The following FGF1 variants were observed in gnomAD, a reference collection of about 807,000 sequenced individuals.
The protein encoded by FGF1 is beta-endothelial cell growth factor.
Under a neutral mutation model 13.4 loss-of-function variants are expected in FGF1, and 9 were observed. That is an observed-to-expected ratio of 0.67 (90% CI 0.40 to 1.17). FGF1 has a LOEUF of 1.17. Among genes scored for constraint, FGF1 ranks in the 50% most tolerant of loss-of-function variants. The probability of loss-of-function intolerance (pLI) is 0.01; values close to 1 mark genes in which losing one functional copy is unlikely to be tolerated. For missense variants in FGF1, 156 were observed against 192.7 expected (o/e 0.81, Z 1.13); for synonymous variants, 93 against 79.0 (o/e 1.18, Z -0.94).
chr5:142,608,708 C>CATATATAT lies in FGF1; in HGVS notation c.169+5243_169+5250dup, dbSNP rs149917804. The stretch of plus-strand genomic sequence containing the variant: ...TTGATACAGTCCAGAGACTGAATGA[C>CATATATAT]ATATATATATACACACACACATATA... On this transcript the variant is annotated intron_variant, in intron 2 of 3. Transcript: ENST00000337706. Among the ~76,000 whole-genome samples, 478 of 144,314 alleles carry CATATATAT rather than the reference C, an allele frequency of 3.3e-3. 3 individuals carry two copies. The highest frequency in any genetic ancestry group is 9.7e-3 in the African/African-American group (380 of 39,338). 94.7% of individuals were successfully genotyped at this position (144,314 alleles called of 152,430 possible).
At chr5:142,650,183 G>A (rs1455611298) in intron 1 of FGF1, among the ~76,000 whole-genome samples, 13 of 152,174 alleles carry the variant, frequency 8.5e-5, no homozygotes, top group East Asian at 1.9e-4. Context: ...GAGTAAGGGC[G>A]TGCAGGGGGA....
In FGF1 at chr5:142,614,053, C is replaced by A. The variant is rs770703997; in HGVS notation, c.75G>T (p.Lys25Asn). The A allele has an allele frequency of 3.1e-6, 5 of 1,614,054 alleles. No individual in the cohort carries two copies. Among genetic ancestry groups the A allele is most frequent in the Admixed American group, 3.3e-5 (2 of 60,000 alleles). Residue 25 changes from lysine (K) to asparagine (N), a missense_variant, in exon 2 of 4, where the codon AAG becomes AAT. Physicochemically the swap from Lys to Asn is moderately conservative, Grantham distance 94 (BLOSUM62 0). Transcript: ENST00000337706. ...CGTTGCTACAGTAGAGGAGTTTGGG[C>A]TTCTTGTAATTCCCTGGAGGCAGAT... ...KFNLPPGNYK[K>N]PKLLYCSNGG... is the part of the protein sequence containing the mutation.
intron 1 of FGF1, among the ~76,000 whole-genome samples, chr5:142,625,457 T>C (rs1023012078): frequency 3.3e-5 from 5 of 152,302 alleles, no homozygotes; most frequent in African/African-American, 7.2e-5. Flanking sequence ...CATCATTCAG[T>C]TGGAGGTCAG....
rs12656059 is a variant in FGF1, at chr5:142,615,674, G to A, written c.-34-1513C>T. On this transcript the variant is annotated intron_variant, in intron 1 of 3. Transcript: ENST00000337706. ...TAATCTCACCATAATCCCTTGAAGTGGACACTAATATTATCATCATTTTTA... is the reference window on the plus strand; with the variant it reads ...TAATCTCACCATAATCCCTTGAAGTAGACACTAATATTATCATCATTTTTA... Among the ~76,000 whole-genome samples the A allele has an allele frequency of 2.7e-3, 405 of 152,246 alleles. 23 individuals are homozygous for A. The East Asian group carries it at 0.069, about 26-fold the overall frequency.
intron 1 of FGF1, among the ~76,000 whole-genome samples, chr5:142,684,993 T>TGAA (rs1369994569): frequency 6.6e-6 from 1 of 151,992 alleles, no homozygotes; most frequent in East Asian, 1.9e-4. Context: ...AATAATGGAG[T>TGAA]GTTTGAATTC....
At chr5:142,619,204 G>C (rs1340029302) in intron 1 of FGF1, among the ~76,000 whole-genome samples, 1 of 152,156 alleles carries the variant, frequency 6.6e-6, no homozygotes, top group African/African-American at 2.4e-5. Flanking sequence ...AAAGTGCTGG[G>C]ATTACAGGCG....
chr5:142,654,866 A>G (rs1475875684), intron 1 of FGF1, among the ~76,000 whole-genome samples: 1 of 152,226 alleles, frequency 6.6e-6, no homozygotes, highest in African/African-American at 2.4e-5. Flanking sequence ...TTCTACCTGC[A>G]GGAGGAGCAG....
intron 2 of FGF1, chr5:142,601,131 A>G (rs762695996): frequency 2.1e-5 from 11 of 527,602 alleles, no homozygotes; most frequent in African/African-American, 3.8e-5. Context: ...TTGTAGGAAA[A>G]TAATCACAGG....
intron 1 of FGF1, among the ~76,000 whole-genome samples, chr5:142,629,560 C>G (rs558630444): frequency 6.6e-6 from 1 of 152,154 alleles, no homozygotes; most frequent in Non-Finnish European, 1.5e-5. Context: ...GCCCTCCTGA[C>G]TTCCTTGTCC....
chr5:142,621,340 TTCTC>T (rs1196927878), intron 1 of FGF1: 1 of 137,042 alleles, frequency 7.3e-6, no homozygotes, highest in East Asian at 2.2e-4. Context: ...ACAGTATTTT[TTCTC>T]TCTCTCTTTT....
At chr5:142,595,838 G>C (rs1755140944) in intron 3 of FGF1, among the ~76,000 whole-genome samples, 1 of 152,210 alleles carries the variant, frequency 6.6e-6, no homozygotes, top group Non-Finnish European at 1.5e-5. Context: ...TAAGTACCTT[G>C]AGGGCAGGGC....
At chr5:142,664,821 AG>A (rs551645673) in intron 1 of FGF1, among the ~76,000 whole-genome samples, 1 of 152,340 alleles carries the variant, frequency 6.6e-6, no homozygotes, top group South Asian at 2.1e-4. Flanking sequence ...TGCTAACAGC[AG>A]TAAGATGTGG....
upstream of FGF1, among the ~76,000 whole-genome samples, chr5:142,686,833 C>G (rs990220859): frequency 6.6e-6 from 1 of 152,152 alleles, no homozygotes; most frequent in Non-Finnish European, 1.5e-5. Context: ...AGCCTGTCCC[C>G]GTTGGATGAG....
intron 1 of FGF1, among the ~76,000 whole-genome samples, chr5:142,650,563 T>G (rs1042245612): frequency 1.3e-5 from 2 of 152,096 alleles, no homozygotes; most frequent in African/African-American, 2.4e-5. Context: ...AACCTAAACT[T>G]CTTAAGTGGC....
chr5:142,657,156 A>G (rs1214891351), intron 1 of FGF1, among the ~76,000 whole-genome samples: 1 of 152,146 alleles, frequency 6.6e-6, no homozygotes, highest in Admixed American at 6.5e-5. Flanking sequence ...ACCTCAGGTG[A>G]TCCACCTGTC....
rs193100377 is a variant in FGF1, at chr5:142,673,175, C to T, written c.-35+12782G>A. On this transcript the variant is annotated intron_variant, in intron 1 of 3. Coordinates refer to ENST00000337706, the MANE Select transcript of FGF1 (RefSeq NM_000800.5). The stretch of plus-strand genomic sequence containing the variant: ...CGGAAAACTGTTCAGGCTATTCAGG[C>T]ATCTAAAGTCACCTTTGAGTTTTGC... Among the ~76,000 whole-genome samples the T allele has an allele frequency of 1.0e-3, 153 of 152,242 alleles. 2 individuals carry two copies. Among genetic ancestry groups the T allele is most frequent in the Admixed American group, 2.0e-3 (30 of 15,302 alleles).
intron 2 of FGF1, among the ~76,000 whole-genome samples, chr5:142,696,357 G>A (rs1753108923): frequency 1.3e-5 from 2 of 152,198 alleles, no homozygotes; most frequent in African/African-American, 2.4e-5. Flanking sequence ...GTCCTGGGAT[G>A]AGAACTCTGA....
At chr5:142,619,266 A>T (rs1760991971) in intron 1 of FGF1, among the ~76,000 whole-genome samples, 1 of 152,146 alleles carries the variant, frequency 6.6e-6, no homozygotes, top group African/African-American at 2.4e-5. Flanking sequence ...GTCACTGTGT[A>T]AGCAATGTGG....
chr5:142,618,988 G>T (rs893470206), intron 1 of FGF1, among the ~76,000 whole-genome samples: 233 of 119,526 alleles, frequency 1.9e-3, no homozygotes, highest in African/African-American at 7.3e-3. Flanking sequence ...AGGCCGGATT[G>T]CAGTGGCACA....
Sources: allele counts gnomAD v4.1 joint callset (sites outside exome capture counted in the v4.1 genomes callset), GRCh38; gene constraint gnomAD v4.1.1; transcripts MANE v1.5; gene names NCBI Gene and HGNC (gene_info 2026-07-23, HGNC 2026-07-21).